GALNT13: variants seen among roughly 807,000 people sequenced by gnomAD.
The protein encoded by GALNT13 is UDP-GalNAc:polypeptide N-acetylgalactosaminyltransferase 13.
In GALNT13, 28 loss-of-function variants were observed where a neutral mutation model predicts 64.2. That is an observed-to-expected ratio of 0.44 (90% CI 0.32 to 0.60). The LOEUF is 0.60. Ranked by LOEUF, GALNT13 falls within the 20% of genes least tolerant of loss-of-function variation. The probability of loss-of-function intolerance (pLI) is 0.05; values close to 1 mark genes in which losing one functional copy is unlikely to be tolerated. For synonymous variants in GALNT13, 214 were observed against 224.6 expected, an observed-to-expected ratio of 0.95 and a Z score of 0.42; for missense variants, 577 against 669.8, an observed-to-expected ratio of 0.86 and a Z score of 1.53.
chr2:153,379,710 T>C, the GALNT13 span, among the ~76,000 whole-genome samples: 2 of 152,170 alleles, frequency 1.3e-5, no homozygotes, highest in Non-Finnish European at 2.9e-5. Flanking sequence ...TTTATAGTCA[T>C]ACTTTAATAT....
chr2:154,454,847 A>T (rs1458187487), downstream of GALNT13, among the ~76,000 whole-genome samples: 1 of 152,168 alleles, frequency 6.6e-6, no homozygotes, highest in Non-Finnish European at 1.5e-5. Context: ...CCTTTTCAGT[A>T]GTAACTAATG....
At chr2:153,473,904 C>T in the GALNT13 span, among the ~76,000 whole-genome samples, 5,975 of 152,244 alleles carry the variant, frequency 0.039, 193 homozygotes, top group Non-Finnish European at 0.055. Context: ...TGAATGCGTA[C>T]CTAGAAGAAT....
the GALNT13 span, among the ~76,000 whole-genome samples, chr2:153,439,227 CTACTTGGGGGTGGCTCCCA>C: frequency 6.6e-6 from 1 of 152,176 alleles, no homozygotes; most frequent in South Asian, 2.1e-4. Flanking sequence ...TCAGCCGCCC[CTACTTGGGGGTGGCTCCCA>C]GTTAGGCTCC....
At chr2:153,310,368 A>C in the GALNT13 span, among the ~76,000 whole-genome samples, 1 of 152,176 alleles carries the variant, frequency 6.6e-6, no homozygotes, top group Non-Finnish European at 1.5e-5. Context: ...TTATTAATAC[A>C]GCTGACCCTT....
intron 3 of GALNT13, among the ~76,000 whole-genome samples, chr2:154,090,658 G>A (rs115742289): frequency 0.011 from 1,604 of 151,952 alleles, 34 homozygotes; most frequent in African/African-American, 0.036. Flanking sequence ...TCAGGAAATC[G>A]CTTCAGATAT....
chr2:153,936,579 A>AT (rs1351612244), intron 2 of GALNT13, among the ~76,000 whole-genome samples: 1 of 152,198 alleles, frequency 6.6e-6, no homozygotes, highest in Non-Finnish European at 1.5e-5. Flanking sequence ...ACAGAGAGCC[A>AT]TAAATATTCT....
chr2:153,986,783 T>C lies in GALNT13; in HGVS notation c.142+42144T>C, dbSNP rs183865917. The stretch of plus-strand genomic sequence containing the variant: ...ACAAAGTGGATGAAGGGGAGAATTA[T>C]AAGAGAGAACTATGAAAAGCTGGGC... On this transcript the variant is annotated intron_variant, in intron 3 of 12. Coordinates refer to ENST00000392825, the MANE Select transcript of GALNT13 (RefSeq NM_052917.4). Among the ~76,000 whole-genome samples the C allele has an allele frequency of 5.9e-5, 9 of 151,992 alleles. No individual in the cohort carries two copies. The East Asian group carries it at 1.7e-3, about 29-fold the overall frequency.
intron 9 of GALNT13, among the ~76,000 whole-genome samples, chr2:154,301,875 G>C (rs1031392519): frequency 6.6e-6 from 1 of 151,378 alleles, no homozygotes; most frequent in African/African-American, 2.4e-5. Context: ...TTATTAACTC[G>C]AATTAAGAAT....
At chr2:153,323,023 A>C in the GALNT13 span, among the ~76,000 whole-genome samples, 1 of 152,066 alleles carries the variant, frequency 6.6e-6, no homozygotes, top group Non-Finnish European at 1.5e-5. Flanking sequence ...CAGTAATGGG[A>C]TTGCTGGGTC....
the GALNT13 span, among the ~76,000 whole-genome samples, chr2:153,374,151 T>C: frequency 2.4e-3 from 362 of 152,306 alleles, 2 homozygotes; most frequent in African/African-American, 8.3e-3. Context: ...GTATTTTTAA[T>C]TTTTTGAAGA....
At chr2:154,314,218 T>C (rs1390726146) in intron 9 of GALNT13, among the ~76,000 whole-genome samples, 1 of 152,176 alleles carries the variant, frequency 6.6e-6, no homozygotes, top group Admixed American at 6.5e-5. Flanking sequence ...CTAAGGTAAC[T>C]AAAATTGAAT....
chr2:153,824,197 G>T, the GALNT13 span, among the ~76,000 whole-genome samples: 1 of 152,074 alleles, frequency 6.6e-6, no homozygotes, highest in East Asian at 1.9e-4. Context: ...GTATACAGCT[G>T]TACATACTCT....
chr2:153,987,075 G>A (rs1317421945), intron 3 of GALNT13, among the ~76,000 whole-genome samples: 2 of 151,776 alleles, frequency 1.3e-5, no homozygotes, highest in African/African-American at 4.8e-5. Context: ...TAGGAGCAAG[G>A]GATTCGAATG....
chr2:153,903,068 T>G (rs1688336098), intron 2 of GALNT13, among the ~76,000 whole-genome samples: 1 of 152,098 alleles, frequency 6.6e-6, no homozygotes, highest in Non-Finnish European at 1.5e-5. Context: ...AATCTTGACC[T>G]TTAGGGAGAA....
the GALNT13 span, among the ~76,000 whole-genome samples, chr2:153,769,817 C>T: frequency 2.0e-5 from 3 of 152,076 alleles, no homozygotes; most frequent in Admixed American, 1.3e-4. Context: ...ATTCAAAATG[C>T]CTCTCTTTCA....
the GALNT13 span, among the ~76,000 whole-genome samples, chr2:153,853,593 G>A: frequency 6.6e-6 from 1 of 151,922 alleles, no homozygotes; most frequent in Admixed American, 6.6e-5. Flanking sequence ...ATAGATACAT[G>A]CAACAACATG....
chr2:153,969,767 T>C (rs1457445537), intron 3 of GALNT13, among the ~76,000 whole-genome samples: 2 of 152,172 alleles, frequency 1.3e-5, no homozygotes, highest in Non-Finnish European at 2.9e-5. Flanking sequence ...TATCATTATT[T>C]TCTGCCACAT....
the GALNT13 span, among the ~76,000 whole-genome samples, chr2:153,564,068 C>T: frequency 2.6e-5 from 4 of 151,952 alleles, no homozygotes; most frequent in African/African-American, 9.7e-5. Context: ...CTTTCTCTAC[C>T]CTACCCTATC....
the GALNT13 span, among the ~76,000 whole-genome samples, chr2:153,544,014 G>T: frequency 6.6e-6 from 1 of 152,126 alleles, no homozygotes; most frequent in Non-Finnish European, 1.5e-5. Flanking sequence ...GGGAGCACAC[G>T]TCATCAGCTG....
Sources: allele counts gnomAD v4.1 joint callset (sites outside exome capture counted in the v4.1 genomes callset), GRCh38; gene constraint gnomAD v4.1.1; transcripts MANE v1.5; gene names NCBI Gene and HGNC (gene_info 2026-07-23, HGNC 2026-07-21).